ZNF84: variants seen among roughly 807,000 people sequenced by gnomAD.
The protein encoded by ZNF84 is zinc finger protein 84.
Under a neutral mutation model 14.8 loss-of-function variants are expected in ZNF84, and 12 were observed. The ratio of observed to expected loss-of-function variants is 0.81; its 90% CI spans 0.52 to 1.31. ZNF84 has a LOEUF of 1.31. Ranked by LOEUF, ZNF84 falls within the 50% of genes most tolerant of loss-of-function variation. The pLI, the probability that ZNF84 is intolerant of heterozygous loss-of-function variation, is 0.00. For missense variants in ZNF84, 859 were observed against 878.6 expected (o/e 0.98, Z 0.28); for synonymous variants, 347 against 291.1 (o/e 1.19, Z -1.96).
rs1954013421 is a variant in ZNF84 at position 133,048,076 on chromosome 12, C to T, written c.137C>T (p.Ser46Leu). 2.5e-6 allele frequency: 4 copies of T among 1,613,178 alleles called. No homozygotes were observed. Among genetic ancestry groups the T allele is most frequent in the African/African-American group, 1.3e-5 (1 of 75,014 alleles). The change falls in exon 3 of 5, where the codon TCA (serine) becomes TTA (leucine). Residue 46 changes from serine to leucine, a missense_variant. Ser to Leu is a moderately radical substitution (Grantham distance 145, BLOSUM62 -2). Transcript: ENST00000539354. ...VMLENYSSLV[S>L]LGYEVMKPDV... The stretch of plus-strand genomic sequence containing the variant: ...TTGGAGAACTATAGCAGCCTAGTGT[C>T]ACTGGGTAATAAAAGCTTTCTTGAG...
chr12:133,049,496 T>G (rs1954038748), intron 4 of ZNF84, among the ~76,000 whole-genome samples: 1 of 152,138 alleles, frequency 6.6e-6, no homozygotes, highest in Non-Finnish European at 1.5e-5. Flanking sequence ...TTGTTTTTTT[T>G]GTTTTGAGAT....
intron 1 of ZNF84, among the ~76,000 whole-genome samples, chr12:133,038,419 G>C (rs1348662489): frequency 2.0e-5 from 3 of 150,978 alleles, no homozygotes; most frequent in African/African-American, 7.4e-5. Context: ...ATCCAGGCCC[G>C]GTGTGGTAGG....
At position 133,059,012 on chromosome 12, in the gene ZNF84, C is replaced by T. The variant is rs1012612507; in HGVS notation, c.*80C>T. 8.4e-5 allele frequency: 116 copies of T among 1,385,004 alleles called. No homozygotes were observed. Among genetic ancestry groups the T allele is most frequent in the Middle Eastern group, 2.5e-4 (1 of 4,044 alleles). 85.8% of individuals were successfully genotyped at this position (1,385,004 alleles called of 1,614,324 possible). A position where few individuals can be genotyped will look rare whatever the true frequency, so the allele number is the denominator to read the frequency against. On this transcript the variant is annotated 3_prime_UTR_variant, in exon 5 of 5. Transcript: ENST00000539354. ...TTATGATAACGTTTGTAGACAGTCA[C>T]GTCATGTTAGGTGTTTGTACTCCAT...
intron 2 of ZNF84, 195 bp from the exon 3 acceptor site, chr12:133,047,760 T>C (rs1021826378): frequency 2.0e-6 from 1 of 496,266 alleles, no homozygotes; most frequent in Non-Finnish European, 3.5e-6. Context: ...CTTTAATCTT[T>C]AGGTTAACAG....
chr12:133,039,400 T>TCTAC (rs1953847155), intron 1 of ZNF84, among the ~76,000 whole-genome samples: 1 of 152,244 alleles, frequency 6.6e-6, no homozygotes, highest in African/African-American at 2.4e-5. Context: ...TGCATGTAGA[T>TCTAC]ATGCACAAAT....
chr12:133,060,288 G>A lies in ZNF84; in HGVS notation c.*1356G>A, dbSNP rs1444877901. The A allele has an allele frequency of 6.6e-6, 1 of 152,158 alleles. No individual in the cohort carries two copies. Among genetic ancestry groups the A allele is most frequent in the Non-Finnish European group, 1.5e-5 (1 of 68,026 alleles). The allele number at this position is 152,158 out of a possible 1,614,324, so 9.4% of individuals were successfully genotyped here. A position where few individuals can be genotyped will look rare whatever the true frequency, so the allele number is the denominator to read the frequency against. ...ATTATTAAAAAATCACATTTCTGAA[G>A]ATGTAAAGTATTAGGGAATTTTGTG... On this transcript the variant is annotated 3_prime_UTR_variant, in exon 5 of 5. Transcript: ENST00000539354.
intron 2 of ZNF84, among the ~76,000 whole-genome samples, chr12:133,047,129 C>T (rs1180095634): frequency 1.3e-5 from 2 of 151,664 alleles, no homozygotes; most frequent in East Asian, 3.9e-4. Flanking sequence ...ACTACCTCTT[C>T]CAGTGCCAAA....
Position 133,063,230 on chromosome 12 carries a change from T to G in ZNF84, c.*4298T>G. The G allele has an allele frequency of 1.4e-6, 1 of 702,372 alleles. No individual in the cohort carries two copies. Among genetic ancestry groups the G allele is most frequent in the Admixed American group, 2.0e-5 (1 of 50,014 alleles). 43.5% of individuals were successfully genotyped at this position (702,372 alleles called of 1,614,324 possible). ...ATGTTCAGGTCCACCTCTGCCCTTTTCATGTCTTGATTGTTGAATTCTTCT... is the reference window on the plus strand; with the variant it reads ...ATGTTCAGGTCCACCTCTGCCCTTTGCATGTCTTGATTGTTGAATTCTTCT... On this transcript the variant is annotated 3_prime_UTR_variant, in exon 5 of 5. Coordinates refer to ENST00000539354, the MANE Select transcript of ZNF84 (RefSeq NM_001289971.2).
intron 1 of ZNF84, among the ~76,000 whole-genome samples, chr12:133,039,782 G>GA (rs1244841449): frequency 6.6e-6 from 1 of 151,820 alleles, no homozygotes; most frequent in East Asian, 1.9e-4. Flanking sequence ...AAGGAGGGGG[G>GA]AAAAACAGTA....
intron 4 of ZNF84, among the ~76,000 whole-genome samples, chr12:133,049,393 A>T (rs1954037177): frequency 1.3e-5 from 2 of 152,140 alleles, no homozygotes; most frequent in South Asian, 4.2e-4. Context: ...CTCCCAATTT[A>T]TCCTTATCCT....
chr12:133,054,873 A>G (rs78988424), intron 4 of ZNF84, among the ~76,000 whole-genome samples: 31,762 of 152,012 alleles, frequency 0.21, 3,624 homozygotes, highest in African/African-American at 0.3. Context: ...GCCAAATACT[A>G]ACTACTGCTC....
At chr12:133,052,938 A>C (rs1051009358) in intron 4 of ZNF84, among the ~76,000 whole-genome samples, 1 of 152,250 alleles carries the variant, frequency 6.6e-6, no homozygotes, top group African/African-American at 2.4e-5. Context: ...ATGGAAGCCC[A>C]TGTGGCTGAG....
At chr12:133,046,802 C>T (rs1477967695) in intron 2 of ZNF84, among the ~76,000 whole-genome samples, 9 of 148,440 alleles carry the variant, frequency 6.1e-5, no homozygotes, top group Admixed American at 4.8e-4. Flanking sequence ...ACTGGGACTA[C>T]TGGCATATGT....
chr12:133,043,571 G>A (rs1953923809), intron 2 of ZNF84, among the ~76,000 whole-genome samples: 2 of 151,664 alleles, frequency 1.3e-5, no homozygotes, highest in Non-Finnish European at 3.0e-5. Context: ...CTAGAACACT[G>A]CTTTCCAGCA....
rs1300215322 is a variant in ZNF84, at chr12:133,058,960, G to A, written c.*28G>A. 6.5e-7 allele frequency: 1 copy of A among 1,538,956 alleles called. No homozygotes were observed. The highest frequency in any genetic ancestry group is 8.7e-7 in the Non-Finnish European group (1 of 1,148,632). On this transcript the variant is annotated 3_prime_UTR_variant, in exon 5 of 5. Coordinates refer to ENST00000539354, the MANE Select transcript of ZNF84 (RefSeq NM_001289971.2). ...ATACAGTTAATAGTAGTCTTTGACA[G>A]ATCATCTTGGACTTCAGGAAATGCA...
At chr12:133,048,935 G>GGGCTGGTCAGTGATGGGTT in intron 4 of ZNF84, 87 bp downstream of exon 4, 3 of 1,096,168 alleles carry the variant, frequency 2.7e-6, no homozygotes, top group Non-Finnish European at 4.0e-6. Context: ...AGTGATGGGT[G>GGGCTGGTCAGTGATGGGTT]GGCTGGTCAG....
intron 4 of ZNF84, among the ~76,000 whole-genome samples, chr12:133,052,958 C>T (rs1198392758): frequency 3.9e-5 from 6 of 152,160 alleles, no homozygotes; most frequent in African/African-American, 9.7e-5. Flanking sequence ...GGTTGGTATG[C>T]CTGAGAGATA....
chr12:133,047,857 T>C (rs1954008653), intron 2 of ZNF84, 98 bp from the exon 3 acceptor site: 4 of 1,392,104 alleles, frequency 2.9e-6, no homozygotes, highest in Non-Finnish European at 4.0e-6. Flanking sequence ...GCATTTTGTA[T>C]AACTTGTTAT....
Position 133,056,814 on chromosome 12 carries a change from T to C in ZNF84, c.239-140T>C, listed in dbSNP as rs1954167464. The C allele has an allele frequency of 6.8e-6, 4 of 592,566 alleles. No individual in the cohort carries two copies. The South Asian group carries it at 8.5e-5, about 13-fold the overall frequency. 36.7% of individuals were successfully genotyped at this position (592,566 alleles called of 1,614,324 possible). On this transcript the variant is annotated intron_variant, in intron 4 of 4. Coordinates refer to ENST00000539354, the MANE Select transcript of ZNF84 (RefSeq NM_001289971.2). The stretch of plus-strand genomic sequence containing the variant: ...CCTTGCAATACCTAGAAGATAGTTA[T>C]TATACTTGGGACTTATTTCAGACTC...
Sources: gnomAD v4.1 joint callset for allele counts (sites outside exome capture counted in the v4.1 genomes callset) on GRCh38, gnomAD v4.1.1 for gene constraint, MANE v1.5 for transcripts, NCBI Gene and HGNC (gene_info 2026-07-23, HGNC 2026-07-21) for gene names.